The following ARHGEF12 variants were observed in gnomAD, a reference collection of about 807,000 sequenced individuals.
ARHGEF12 encodes the protein Rho guanine nucleotide exchange factor 12.
Under a neutral mutation model 211.2 loss-of-function variants are expected in ARHGEF12, and 66 were observed. The ratio of observed to expected loss-of-function variants is 0.31; its 90% CI spans 0.26 to 0.38. The LOEUF is 0.38. Among genes scored for constraint, ARHGEF12 ranks in the 10% least tolerant of loss-of-function variants. ARHGEF12 has a pLI of 1.00. For missense variants in ARHGEF12, 1,429 were observed against 1,869.5 expected, an observed-to-expected ratio of 0.76 and a Z score of 4.34; for synonymous variants, 592 against 638.4, an observed-to-expected ratio of 0.93 and a Z score of 1.09.
At chr11:120,441,098 A>T (rs1169058993) in intron 13 of ARHGEF12, among the ~76,000 whole-genome samples, 1 of 151,842 alleles carries the variant, frequency 6.6e-6, no homozygotes, top group African/African-American at 2.4e-5. Flanking sequence ...TTTACTGAGG[A>T]TTTTTTACAT....
chr11:120,339,385 T>C (rs997552017), intron 1 of ARHGEF12, among the ~76,000 whole-genome samples: 13 of 152,342 alleles, frequency 8.5e-5, no homozygotes, highest in Non-Finnish European at 1.6e-4. Context: ...TCTGCCAAGG[T>C]GTCTTAACAA....
chr11:120,377,881 G>C (rs1943774414), intron 1 of ARHGEF12, among the ~76,000 whole-genome samples: 1 of 152,030 alleles, frequency 6.6e-6, no homozygotes, highest in Admixed American at 6.6e-5. Context: ...AAACATCTCA[G>C]AGTAGAATTG....
At chr11:120,345,761 T>TAC (rs1315716581) in intron 1 of ARHGEF12, among the ~76,000 whole-genome samples, 4 of 147,270 alleles carry the variant, frequency 2.7e-5, no homozygotes, top group Non-Finnish European at 6.0e-5. Flanking sequence ...TATATATATA[T>TAC]ACAGTATTTA....
At chr11:120,470,650 T>C (rs1415206939) in intron 30 of ARHGEF12, among the ~76,000 whole-genome samples, 3 of 152,194 alleles carry the variant, frequency 2.0e-5, no homozygotes, top group Non-Finnish European at 2.9e-5. Context: ...ACAACTCTCT[T>C]GGTGAGGCTG....
chr11:120,380,399 G>C (rs1050760038), intron 1 of ARHGEF12, among the ~76,000 whole-genome samples: 1 of 152,060 alleles, frequency 6.6e-6, no homozygotes, highest in South Asian at 2.1e-4. Context: ...TCTGTTCTAG[G>C]ATCAAATTTA....
Position 120,420,251 on chromosome 11 carries a change from T to G in ARHGEF12, c.200-502T>G, listed in dbSNP as rs528614482. 2.0e-5 allele frequency among the ~76,000 whole-genome samples: 3 copies of G among 152,340 alleles called. No individual in the cohort carries two copies. In the East Asian group the frequency reaches 5.8e-4, roughly 29 times the overall value. ...CTTCAGGTACTCTGTAAGCACCTCC[T>G]TTCTTTTTACTGTTTTCCTGAGTAT... is the stretch of plus-strand genomic sequence containing the variant. On this transcript the variant is annotated intron_variant, in intron 4 of 40. Coordinates refer to ENST00000397843, the MANE Select transcript of ARHGEF12 (RefSeq NM_015313.3).
At chr11:120,476,368 C>T (rs771070487) in intron 33 of ARHGEF12, 7 of 222,260 alleles carry the variant, frequency 3.1e-5, no homozygotes, top group Admixed American at 1.6e-4. Context: ...CCACCGTGCC[C>T]GGCCAGTAAT....
Position 120,351,873 on chromosome 11 carries a change from C to T in ARHGEF12, c.32+14598C>T, listed in dbSNP as rs1283566223. Among the ~76,000 whole-genome samples the T allele has an allele frequency of 2.0e-5, 3 of 152,050 alleles. No homozygotes were observed. The East Asian group carries it at 5.8e-4, about 29-fold the overall frequency. On this transcript the variant is annotated intron_variant, in intron 1 of 40. Coordinates refer to ENST00000397843, the MANE Select transcript of ARHGEF12 (RefSeq NM_015313.3). ...TTTCAACTAAGCTAAATACTGTTGTCCCTGTTTTAAAACTGGGAAAAATGA... is the reference window on the plus strand; with the variant it reads ...TTTCAACTAAGCTAAATACTGTTGTTCCTGTTTTAAAACTGGGAAAAATGA...
intron 1 of ARHGEF12, among the ~76,000 whole-genome samples, chr11:120,385,664 T>C (rs1351406654): frequency 6.6e-6 from 1 of 152,234 alleles, no homozygotes; most frequent in Non-Finnish European, 1.5e-5. Flanking sequence ...TATCATGTTT[T>C]AAAAAACCTA....
chr11:120,405,551 T>C (rs1384580317), intron 1 of ARHGEF12, among the ~76,000 whole-genome samples: 8 of 152,188 alleles, frequency 5.3e-5, no homozygotes, highest in Non-Finnish European at 1.2e-4. Flanking sequence ...GATAATCTGT[T>C]ATTAAATCTA....
At chr11:120,406,176 T>C (rs751347813) in intron 2 of ARHGEF12, 35 bp downstream of exon 2, 3 of 1,406,358 alleles carry the variant, frequency 2.1e-6, no homozygotes, top group Non-Finnish European at 2.8e-6. Flanking sequence ...TACTCAAGTT[T>C]AGGTTATATT....
At chr11:120,441,936 A>G in intron 14 of ARHGEF12, 119 bp downstream of exon 14, 1 of 970,110 alleles carries the variant, frequency 1.0e-6, no homozygotes, top group Middle Eastern at 2.2e-4. Flanking sequence ...ATAAAGACAG[A>G]TACAAAAGAT....
At chr11:120,341,502 C>T (rs1225597586) in intron 1 of ARHGEF12, among the ~76,000 whole-genome samples, 1 of 152,160 alleles carries the variant, frequency 6.6e-6, no homozygotes, top group South Asian at 2.1e-4. Context: ...CCAGGGAAAA[C>T]AGTTGGAAAA....
intron 1 of ARHGEF12, among the ~76,000 whole-genome samples, chr11:120,389,457 G>C (rs1435852439): frequency 6.6e-6 from 1 of 152,076 alleles, no homozygotes; most frequent in Non-Finnish European, 1.5e-5. Flanking sequence ...TTTTCAGGTA[G>C]TCTTTTATTT....
chr11:120,383,344 G>T (rs1452794365), intron 1 of ARHGEF12, among the ~76,000 whole-genome samples: 1 of 152,078 alleles, frequency 6.6e-6, no homozygotes, highest in African/African-American at 2.4e-5. Flanking sequence ...AGGGTGTTCG[G>T]GGGAGGGCAG....
At chr11:120,405,676 AAC>A (rs958754948) in intron 1 of ARHGEF12, among the ~76,000 whole-genome samples, 2 of 152,198 alleles carry the variant, frequency 1.3e-5, no homozygotes, top group African/African-American at 4.8e-5. Flanking sequence ...CTTCTAGGAA[AAC>A]AGTGAGAATA....
Position 120,468,293 on chromosome 11 carries a change from T to C in ARHGEF12, c.2854+985T>C, listed in dbSNP as rs147313789. On this transcript the variant is annotated intron_variant, in intron 29 of 40. Coordinates refer to ENST00000397843, the MANE Select transcript of ARHGEF12 (RefSeq NM_015313.3). ...TTATGGTACCTGGTAACAAAAGTGG[T>C]TTACACTCATACATATTAATTTTTA... Among the ~76,000 whole-genome samples, 802 of 152,342 alleles carry C rather than the reference T, an allele frequency of 5.3e-3. 2 individuals carry two copies. Among genetic ancestry groups the C allele is most frequent in the Non-Finnish European group, 9.2e-3 (625 of 68,026 alleles).
chr11:120,438,837 T>C (rs1350925254), intron 12 of ARHGEF12: 3 of 152,204 alleles, frequency 2.0e-5, no homozygotes, highest in Non-Finnish European at 4.4e-5. Context: ...TATGTATGTA[T>C]GTATTTATGT....
intron 1 of ARHGEF12, among the ~76,000 whole-genome samples, chr11:120,373,950 G>C (rs1943656851): frequency 6.6e-6 from 1 of 152,154 alleles, no homozygotes; most frequent in Non-Finnish European, 1.5e-5. Flanking sequence ...TGGGATTACA[G>C]GCATGCACCA....
Sources: allele counts gnomAD v4.1 joint callset (sites outside exome capture counted in the v4.1 genomes callset), GRCh38; gene constraint gnomAD v4.1.1; transcripts MANE v1.5; gene names NCBI Gene and HGNC (gene_info 2026-07-23, HGNC 2026-07-21).